CBY2: variants seen among roughly 807,000 people sequenced by gnomAD.
The protein encoded by CBY2 is protein chibby homolog 2.
In CBY2, 23 loss-of-function variants were observed where a neutral mutation model predicts 25.3. The observed-to-expected ratio is 0.91, with a 90% CI of 0.65 to 1.29. The LOEUF is 1.29. CBY2 is among the 50% of genes most tolerant of loss of function. The probability of loss-of-function intolerance (pLI) is 0.00; values close to 1 mark genes in which losing one functional copy is unlikely to be tolerated. For missense variants in CBY2, 642 were observed against 590.7 expected, an observed-to-expected ratio of 1.09 and a Z score of -0.90; for synonymous variants, 279 against 260.2, an observed-to-expected ratio of 1.07 and a Z score of -0.70.
chr13:45,709,604 T>C (rs1299436057), intron 2 of CBY2, among the ~76,000 whole-genome samples: 1 of 152,214 alleles, frequency 6.6e-6, no homozygotes, highest in Non-Finnish European at 1.5e-5. Context: ...TATTTATATA[T>C]TTGTGGATAA....
In CBY2 at chr13:45,713,496, G is replaced by C. The variant is rs1216360491; in HGVS notation, c.471G>C (p.Leu157=). Residue 157 remains leucine (L), a synonymous_variant, in exon 3 of 3, where the codon CTG becomes CTC. Coordinates refer to ENST00000310521, the MANE Select transcript of CBY2 (RefSeq NM_152719.3). This position sits in a 1 kb window ranked among gnomAD's most constrained non-coding sequence, Gnocchi z 5.0. The part of the protein sequence containing the change: ...FSPSASFHHK[L]HHKRLAKECM... ...CATCCGCCTCCTTCCACCACAAGCT[G>C]CACCACAAGAGGCTGGCCAAGGAGT... 1 of 1,614,222 alleles carries C rather than the reference G, an allele frequency of 6.2e-7. No homozygotes were observed. The highest frequency in any genetic ancestry group is 8.5e-7 in the Non-Finnish European group (1 of 1,180,038).
chr13:45,707,679 T>C (rs1950247231), intron 2 of CBY2, among the ~76,000 whole-genome samples: 1 of 152,216 alleles, frequency 6.6e-6, no homozygotes, highest in Non-Finnish European at 1.5e-5. Flanking sequence ...ACAGGCCTGG[T>C]TGTAAGAGAA....
intron 2 of CBY2, among the ~76,000 whole-genome samples, chr13:45,707,236 G>T (rs1950244800): frequency 6.6e-6 from 1 of 152,140 alleles, no homozygotes; most frequent in Non-Finnish European, 1.5e-5. Context: ...TTGTGTGCAG[G>T]GGGTGGTGGG....
chr13:45,709,264 A>T (rs1160944080), intron 2 of CBY2, among the ~76,000 whole-genome samples: 1 of 152,204 alleles, frequency 6.6e-6, no homozygotes, highest in Non-Finnish European at 1.5e-5. Context: ...ACCATATGTT[A>T]AGGTTTTGTT....
chr13:45,710,806 C>T (rs765483288), intron 2 of CBY2, among the ~76,000 whole-genome samples: 12 of 152,152 alleles, frequency 7.9e-5, no homozygotes, highest in Non-Finnish European at 1.6e-4. Flanking sequence ...GAAGATTGAG[C>T]GTATCCTTAC....
intron 2 of CBY2, among the ~76,000 whole-genome samples, chr13:45,706,273 C>T (rs1390158839): frequency 1.3e-5 from 2 of 152,326 alleles, no homozygotes; most frequent in East Asian, 3.9e-4. Context: ...AGGCATTTTC[C>T]TTCCAGGACC....
chr13:45,706,048 C>A (rs1482793375), intron 2 of CBY2, among the ~76,000 whole-genome samples: 3 of 152,196 alleles, frequency 2.0e-5, no homozygotes. Flanking sequence ...AACCACACCC[C>A]CAGTAATTCT....
chr13:45,710,087 TA>T (rs753738746), intron 2 of CBY2, among the ~76,000 whole-genome samples: 2 of 152,344 alleles, frequency 1.3e-5, no homozygotes, highest in African/African-American at 4.8e-5. Flanking sequence ...TGAGGCTTAA[TA>T]TTTGTTTCCT....
rs1390252503 is a variant in CBY2, at chr13:45,714,390, G to A, written c.*18G>A. The A allele has an allele frequency of 1.3e-6, 2 of 1,549,786 alleles. No homozygotes were observed. The highest frequency in any genetic ancestry group is 1.2e-5 in the South Asian group (1 of 82,600). ...GGGTCTGAGGCCTCGGCCTTGCACC[G>A]GGACGCCGAGTTTGGGACACCGAAC... On this transcript the variant is annotated 3_prime_UTR_variant, in exon 3 of 3. Coordinates refer to ENST00000310521, the MANE Select transcript of CBY2 (RefSeq NM_152719.3).
In CBY2 at chr13:45,711,176, C is replaced by T. The variant is rs1950268484; in HGVS notation, c.157-2006C>T. Among the ~76,000 whole-genome samples, 4 of 152,186 alleles carry T rather than the reference C, an allele frequency of 2.6e-5. No homozygotes were observed. The South Asian group carries it at 6.2e-4, about 24-fold the overall frequency. ...CTCTAGTGTGCATTCTACTTGCTCA[C>T]TTCTTTTTGAATACATCTTATAATT... On this transcript the variant is annotated intron_variant, in intron 2 of 2. Coordinates refer to ENST00000310521, the MANE Select transcript of CBY2 (RefSeq NM_152719.3).
chr13:45,707,887 G>A (rs1950248583), intron 2 of CBY2, among the ~76,000 whole-genome samples: 1 of 152,084 alleles, frequency 6.6e-6, no homozygotes, highest in Admixed American at 6.5e-5. Flanking sequence ...AAATCAATTA[G>A]CATATAACCT....
At chr13:45,707,232 G>T (rs1950244766) in intron 2 of CBY2, among the ~76,000 whole-genome samples, 1 of 152,200 alleles carries the variant, frequency 6.6e-6, no homozygotes, top group Non-Finnish European at 1.5e-5. Flanking sequence ...GTGCTTGTGT[G>T]CAGGGGGTGG....
chr13:45,703,311 A>T, intron 2 of CBY2: 1 of 1,381,026 alleles, frequency 7.2e-7, no homozygotes, highest in Non-Finnish European at 9.3e-7. Flanking sequence ...AAGAGAATTA[A>T]GCCCTGCTAT....
At position 45,713,004 on chromosome 13, in the gene CBY2, GGA is replaced by G. The variant is rs1164643994; in HGVS notation, c.157-177_157-176del. On this transcript the variant is annotated intron_variant, in intron 2 of 2. Transcript: ENST00000310521. This position sits in a 1 kb window ranked among gnomAD's most constrained non-coding sequence, Gnocchi z 5.0. ...CTGACTTCATAGAACAGAACTCACT[GGA>G]ATGACAAGGATAGGCCACATTTCCT... 8.5e-5 allele frequency among the ~76,000 whole-genome samples: 13 copies of G among 152,314 alleles called. No homozygotes were observed. The highest frequency in any genetic ancestry group is 3.1e-4 in the African/African-American group (13 of 41,564).
At position 45,704,387 on chromosome 13, in the gene CBY2, A is replaced by AGATG. The variant is rs1950228637; in HGVS notation, c.156+1532_156+1533insGATG. Among the ~76,000 whole-genome samples the AGATG allele has an allele frequency of 6.6e-6, 1 of 152,150 alleles. No homozygotes were observed. The highest frequency in any genetic ancestry group is 2.1e-4 in the South Asian group (1 of 4,826). On this transcript the variant is annotated intron_variant, in intron 2 of 2. Coordinates refer to ENST00000310521, the MANE Select transcript of CBY2 (RefSeq NM_152719.3). This position sits in a 1 kb window ranked among gnomAD's most constrained non-coding sequence, Gnocchi z 4.1. Reference sequence around the variant, plus strand: ...ATGAGAGGATATCTCCTGTCTGGGCACGTGTACCTCACAAGGGCAGATGCA... The same window carrying AGATG: ...ATGAGAGGATATCTCCTGTCTGGGCAGATGCGTGTACCTCACAAGGGCAGATGCA...
chr13:45,709,957 T>C (rs909059328), intron 2 of CBY2, among the ~76,000 whole-genome samples: 1 of 152,218 alleles, frequency 6.6e-6, no homozygotes, highest in Non-Finnish European at 1.5e-5. Context: ...ATTTAACATC[T>C]CTGAGTTTCA....
intron 2 of CBY2, chr13:45,703,736 A>C: frequency 1.5e-6 from 1 of 665,710 alleles, no homozygotes; most frequent in Non-Finnish European, 2.6e-6. Context: ...CTGGATGTTT[A>C]TTTTCACATT....
chr13:45,703,208 G>T (rs1179499577), intron 2 of CBY2: 1 of 1,256,244 alleles, frequency 8.0e-7, no homozygotes, highest in African/African-American at 1.5e-5. Context: ...GGGAGAATTA[G>T]AACTGGGACT....
rs1950231036 is a variant in CBY2 at position 45,704,810 on chromosome 13, T to C, written c.156+1955T>C. On this transcript the variant is annotated intron_variant, in intron 2 of 2. Coordinates refer to ENST00000310521, the MANE Select transcript of CBY2 (RefSeq NM_152719.3). This position sits in a 1 kb window ranked among gnomAD's most constrained non-coding sequence, Gnocchi z 4.1. ...TCAAATCAGTGCCCATGTTCTCCGC[T>C]ATACTAGGGCACATGCCAGTAAGCT... Among the ~76,000 whole-genome samples the C allele has an allele frequency of 6.6e-6, 1 of 152,240 alleles. No homozygotes were observed. Among genetic ancestry groups the C allele is most frequent in the African/African-American group, 2.4e-5 (1 of 41,464 alleles).
Sources: allele counts gnomAD v4.1 joint callset (sites outside exome capture counted in the v4.1 genomes callset), GRCh38; gene constraint gnomAD v4.1.1; non-coding constraint Gnocchi (gnomAD v3.1); transcripts MANE v1.5; gene names NCBI Gene and HGNC (gene_info 2026-07-23, HGNC 2026-07-21).